Variants in STYXL1 observed in about 807,000 individuals in gnomAD.
STYXL1 encodes serine/threonine/tyrosine interacting like 1.
A neutral mutation model predicts 36.4 loss-of-function variants in STYXL1; 32 were observed. That is an observed-to-expected ratio of 0.88 (90% confidence interval 0.66 to 1.18). STYXL1 has a LOEUF of 1.18. Among genes scored for constraint, STYXL1 ranks in the 50% most tolerant of loss-of-function variants. The pLI, the probability that STYXL1 is intolerant of heterozygous loss-of-function variation, is 0.00. For synonymous variants in STYXL1, 133 were observed against 144.1 expected, an observed-to-expected ratio of 0.92 and a Z score of 0.55; for missense variants, 354 against 394.1, an observed-to-expected ratio of 0.90 and a Z score of 0.86.
intron 3 of STYXL1, among the ~76,000 whole-genome samples, chr7:76,022,816 A>T (rs1178872073): frequency 6.6e-6 from 1 of 152,062 alleles, no homozygotes; most frequent in Admixed American, 6.6e-5. Context: ...AATCCCAGCT[A>T]CCTGGGAGGC....
intron 5 of STYXL1, among the ~76,000 whole-genome samples, chr7:76,013,122 C>T (rs572262506): frequency 6.6e-6 from 1 of 152,062 alleles, no homozygotes. Context: ...GTCAGGAGAT[C>T]GAGACCATCC....
intron 2 of STYXL1, among the ~76,000 whole-genome samples, chr7:76,029,218 C>T (rs1377693846): frequency 6.6e-6 from 1 of 152,116 alleles, no homozygotes; most frequent in African/African-American, 2.4e-5. Context: ...ATGATCTCGG[C>T]TCACTGCAAT....
rs1367161672 is a variant in STYXL1 at position 76,044,070 on chromosome 7, C to A, written c.-5+3592G>T. On this transcript the variant is annotated intron_variant, in intron 1 of 8. Transcript: ENST00000359697. ...CCAAGTAAAATCAATGCCTACCACA[C>A]AGTGCTTCATACAGCAGCCAATAAG... The A allele has an allele frequency of 1.4e-4, 22 of 152,340 alleles. 1 individual carries two copies. The highest frequency in any genetic ancestry group is 1.4e-3 in the Admixed American group (22 of 15,300). The allele number at this position is 152,340 out of a possible 1,614,324, so 9.4% of individuals were successfully genotyped here. A position where few individuals can be genotyped will look rare whatever the true frequency, so the allele number is the denominator to read the frequency against.
intron 1 of STYXL1, 123 bp from the exon 2 acceptor site, chr7:76,030,650 T>C: frequency 1.6e-6 from 1 of 644,534 alleles, no homozygotes; most frequent in South Asian, 1.8e-5. Flanking sequence ...AGTAATCATG[T>C]AAATGATCAG....
intron 4 of STYXL1, among the ~76,000 whole-genome samples, chr7:76,021,460 T>C (rs1459568609): frequency 2.0e-5 from 3 of 152,130 alleles, no homozygotes; most frequent in Non-Finnish European, 4.4e-5. Context: ...GAGATATTCT[T>C]TCAGGTCCCG....
At chr7:76,021,172 G>T (rs1554576043) in intron 4 of STYXL1, among the ~76,000 whole-genome samples, 1 of 151,794 alleles carries the variant, frequency 6.6e-6, no homozygotes, top group South Asian at 2.1e-4. Flanking sequence ...CTGCCTCCTG[G>T]GTTCACGCCA....
chr7:75,997,676 G>A (rs1790307248), intron 8 of STYXL1, among the ~76,000 whole-genome samples: 1 of 152,120 alleles, frequency 6.6e-6, no homozygotes, highest in Non-Finnish European at 1.5e-5. Flanking sequence ...CTTACCTCTG[G>A]TTTGAAGATG....
At position 75,996,388 on chromosome 7, in the gene STYXL1, G is replaced by A. The variant is rs541871034; in HGVS notation, c.*80C>T. 24 of 1,612,350 alleles carry A rather than the reference G, an allele frequency of 1.5e-5. No individual in the cohort carries two copies. In the African/African-American group the frequency reaches 2.9e-4, roughly 20 times the overall value. On this transcript the variant is annotated 3_prime_UTR_variant, in exon 9 of 9. Transcript: ENST00000359697. ...GCCTTCTCCTTCCAGACAAGCCTGG[G>A]TATACACACTCTGGCCCTCCACCCA... is the stretch of plus-strand genomic sequence containing the variant.
chr7:76,035,991 A>G (rs1795871273), intron 1 of STYXL1, among the ~76,000 whole-genome samples: 1 of 150,000 alleles, frequency 6.7e-6, no homozygotes, highest in African/African-American at 2.4e-5. Flanking sequence ...TTCCAAGAGA[A>G]GATGCATCCC....
At chr7:76,026,112 A>G (rs782695971) in intron 3 of STYXL1, among the ~76,000 whole-genome samples, 2 of 139,972 alleles carry the variant, frequency 1.4e-5, no homozygotes, top group Non-Finnish European at 3.1e-5. Flanking sequence ...TAATGGCGTT[A>G]ACCCGGGAGG....
intron 3 of STYXL1, among the ~76,000 whole-genome samples, chr7:76,027,381 C>T (rs1253499743): frequency 2.0e-5 from 3 of 151,890 alleles, no homozygotes; most frequent in South Asian, 2.1e-4. Context: ...TGGATTATAG[C>T]CAATTATCTC....
At chr7:76,042,839 C>A (rs1796606446) in intron 1 of STYXL1, among the ~76,000 whole-genome samples, 1 of 152,194 alleles carries the variant, frequency 6.6e-6, no homozygotes, top group Non-Finnish European at 1.5e-5. Context: ...CAAACATTCA[C>A]AAGTCTCTGC....
At position 76,021,985 on chromosome 7, in the gene STYXL1, T is replaced by C. The variant is rs1554576417; in HGVS notation, c.173A>G (p.Asn58Ser). The change falls in exon 4 of 9, where the codon AAT (asparagine) becomes AGT (serine). Residue 58 changes from asparagine (N) to serine (S), a missense_variant. Coordinates refer to ENST00000359697, the MANE Select transcript of STYXL1 (RefSeq NM_001317785.2). ...ITALRVKKKN[N>S]EYLLPESVDL... Reference sequence around the variant, plus strand: ...CACAGACTCCGGGAGAAGATATTCATTATTTTTCTTAAAAAAAAAAACACA... The same window carrying C: ...CACAGACTCCGGGAGAAGATATTCACTATTTTTCTTAAAAAAAAAAACACA... 6.2e-7 allele frequency: 1 copy of C among 1,600,360 alleles called. No homozygotes were observed. Among genetic ancestry groups the C allele is most frequent in the East Asian group, 2.2e-5 (1 of 44,820 alleles).
At chr7:76,041,412 C>T (rs1305455703) in intron 1 of STYXL1, among the ~76,000 whole-genome samples, 3 of 152,122 alleles carry the variant, frequency 2.0e-5, no homozygotes, top group Non-Finnish European at 4.4e-5. Context: ...CCCAGCAAAA[C>T]TCATGCTAAG....
In STYXL1 at chr7:76,043,237, G is replaced by A. The variant is rs1402940522; in HGVS notation, c.-5+4425C>T. 2.0e-5 allele frequency among the ~76,000 whole-genome samples: 3 copies of A among 152,116 alleles called. No homozygotes were observed. In the East Asian group the frequency reaches 5.8e-4, roughly 29 times the overall value. On this transcript the variant is annotated intron_variant, in intron 1 of 8. Coordinates refer to ENST00000359697, the MANE Select transcript of STYXL1 (RefSeq NM_001317785.2). ...GCTCACTGCAACCTCTGCCTCCTGG[G>A]TTCAAGCAATTCTCCTGTCTCAGCC...
In STYXL1 at chr7:76,033,234, C is replaced by T. The variant is rs184242535; in HGVS notation, c.-4-2707G>A. Among the ~76,000 whole-genome samples the T allele has an allele frequency of 4.1e-4, 63 of 152,308 alleles. No homozygotes were observed. The East Asian group carries it at 7.5e-3, about 18-fold the overall frequency. On this transcript the variant is annotated intron_variant, in intron 1 of 8. Transcript: ENST00000359697. ...GATCATGGCTGACTGCGGCCACAAA[C>T]TCCCAGGCTCAAGCAATCCTCTGGC...
rs529898418 is a variant in STYXL1, at chr7:76,005,490, G to A, written c.454-86C>T. ...TCTCTTGAAACACAGCTCAGCAAAC[G>A]AGCGTAAAAGGGCAGTTCCAGGACA... On this transcript the variant is annotated intron_variant, in intron 5 of 8. Coordinates refer to ENST00000359697, the MANE Select transcript of STYXL1 (RefSeq NM_001317785.2). 36 of 1,330,850 alleles carry A rather than the reference G, an allele frequency of 2.7e-5. 2 individuals carry two copies. In the South Asian group the frequency reaches 3.6e-4, roughly 13 times the overall value. 82.4% of individuals were successfully genotyped at this position (1,330,850 alleles called of 1,614,324 possible).
chr7:76,029,761 T>G lies in STYXL1; in HGVS notation c.103+660A>C, dbSNP rs143439295. 2.3e-3 allele frequency among the ~76,000 whole-genome samples: 345 copies of G among 152,226 alleles called. 2 individuals carry two copies. The highest frequency in any genetic ancestry group is 3.9e-3 in the Non-Finnish European group (266 of 68,012). On this transcript the variant is annotated intron_variant, in intron 2 of 8. Coordinates refer to ENST00000359697, the MANE Select transcript of STYXL1 (RefSeq NM_001317785.2). ...AGATTCTCACAAGGAGAGCGCAACT[T>G]AGATCCCTTGAATGCACACTTCACA...
chr7:76,018,270 A>G lies in STYXL1; in HGVS notation c.307+3581T>C, dbSNP rs117351496. The stretch of plus-strand genomic sequence containing the variant: ...CAGCTCCACTTAACCACTCATTTCT[A>G]TGGATTTGCCTATTCTGGACTTTTC... On this transcript the variant is annotated intron_variant, in intron 4 of 8. Coordinates refer to ENST00000359697, the MANE Select transcript of STYXL1 (RefSeq NM_001317785.2). 7.2e-3 allele frequency among the ~76,000 whole-genome samples: 1,099 copies of G among 152,216 alleles called. 30 individuals are homozygous for G. The highest frequency in any genetic ancestry group is 0.052 in the Admixed American group (792 of 15,280).
Sources: gnomAD v4.1 joint callset for allele counts (sites outside exome capture counted in the v4.1 genomes callset) on GRCh38, gnomAD v4.1.1 for gene constraint, MANE v1.5 for transcripts, NCBI Gene and HGNC (gene_info 2026-07-23, HGNC 2026-07-21) for gene names.